AGL: variants seen among roughly 807,000 people sequenced by gnomAD.
AGL encodes amylo-alpha-1,6-glucosidase and 4-alpha-glucanotransferase.
A neutral mutation model predicts 199.3 loss-of-function variants in AGL; 128 were observed. The ratio of observed to expected loss-of-function variants is 0.64; its 90% confidence interval spans 0.56 to 0.74. AGL has a LOEUF of 0.74. Among genes scored for constraint, AGL ranks in the 30% least tolerant of loss-of-function variants. AGL has a pLI of 0.00. For synonymous variants in AGL, 584 were observed against 594.7 expected (o/e 0.98, Z 0.26); for missense variants, 1,809 against 1,820.8 (o/e 0.99, Z 0.12).
chr1:99,888,361 C>T (rs913275789), intron 21 of AGL, among the ~76,000 whole-genome samples: 1 of 152,110 alleles, frequency 6.6e-6, no homozygotes, highest in African/African-American at 2.4e-5. Flanking sequence ...TCACATAAAA[C>T]ACTGAAAACA....
At chr1:99,854,204 TA>T (rs1216808305) in intron 2 of AGL, among the ~76,000 whole-genome samples, 1 of 151,488 alleles carries the variant, frequency 6.6e-6, no homozygotes, top group African/African-American at 2.4e-5. Flanking sequence ...TAAAAAAAAA[TA>T]AAAAATAAAA....
At chr1:99,855,816 T>G (rs1266372477) in intron 2 of AGL, among the ~76,000 whole-genome samples, 1 of 151,848 alleles carries the variant, frequency 6.6e-6, no homozygotes, top group Non-Finnish European at 1.5e-5. Context: ...AAAAAAAGAA[T>G]AATGAACAAA....
intron 9 of AGL, 47 bp downstream of exon 9, chr1:99,875,303 A>G (rs376064487): frequency 4.2e-5 from 67 of 1,611,772 alleles, no homozygotes; most frequent in African/African-American, 1.5e-4. Context: ...TCTTACTACT[A>G]TTTTTTTGTT....
intron 2 of AGL, among the ~76,000 whole-genome samples, chr1:99,859,422 GTAT>G (rs1391204807): frequency 6.7e-6 from 1 of 150,222 alleles, no homozygotes; most frequent in African/African-American, 2.5e-5. Context: ...GTTTGTAGTA[GTAT>G]TATGGTGTAT....
chr1:99,885,998 G>A (rs1387747893), intron 20 of AGL, among the ~76,000 whole-genome samples: 2 of 152,146 alleles, frequency 1.3e-5, no homozygotes, highest in Non-Finnish European at 2.9e-5. Context: ...ATTTGAGGCT[G>A]TTAATACATA....
rs1277033501 is a variant in AGL at position 99,881,709 on chromosome 1, T to A, written c.2308+18T>A. 1 of 1,606,316 alleles carries A rather than the reference T, an allele frequency of 6.2e-7. No homozygotes were observed. Among genetic ancestry groups the A allele is most frequent in the Non-Finnish European group, 8.5e-7 (1 of 1,173,312 alleles). ...CATCCCTGGTAATGCAATCTAAAAATTGTTACTGTATTTGTATTATATTAT... is the reference window on the plus strand; with the variant it reads ...CATCCCTGGTAATGCAATCTAAAAAATGTTACTGTATTTGTATTATATTAT... On this transcript the variant is annotated intron_variant, in intron 17 of 33. Transcript: ENST00000361915.
chr1:99,892,643 C>A, intron 24 of AGL, 36 bp downstream of exon 24: 2 of 1,591,736 alleles, frequency 1.3e-6, no homozygotes, highest in African/African-American at 1.3e-5. Flanking sequence ...ATATGTAAAT[C>A]GATAGTATTC....
intron 5 of AGL, among the ~76,000 whole-genome samples, chr1:99,865,302 G>T (rs1218467658): frequency 6.6e-6 from 1 of 152,112 alleles, no homozygotes; most frequent in Non-Finnish European, 1.5e-5. Flanking sequence ...TATATTAGCA[G>T]GAGCTCTGGT....
Position 99,881,086 on chromosome 1 carries a change from C to T in AGL, c.1910C>T (p.Ala637Val), listed in dbSNP as rs1488937187. The T allele has an allele frequency of 2.5e-6, 4 of 1,613,244 alleles. No homozygotes were observed. The highest frequency in any genetic ancestry group is 1.7e-6 in the Non-Finnish European group (2 of 1,179,464). The change falls in exon 15 of 34, where the codon GCG becomes GTG. Residue 637 changes from alanine (A) to valine (V), a missense_variant. Transcript: ENST00000361915. The part of the protein sequence containing the change: ...DNECPIVHRS[A>V]YDALPSTTIV... ...GTTGTTGTCTTCTAGCATAGATCAG[C>T]GTATGATGCTCTTCCAAGTACTACA... is the stretch of plus-strand genomic sequence containing the variant.
chr1:99,856,436 G>A (rs892554259), intron 2 of AGL, among the ~76,000 whole-genome samples: 7 of 139,396 alleles, frequency 5.0e-5, no homozygotes, highest in Non-Finnish European at 9.2e-5. Context: ...TTCTTTTCTT[G>A]TATTTATTTA....
rs377410347 is a variant in AGL, at chr1:99,891,823, C to A, written c.3083+84C>A. 5.9e-4 allele frequency: 885 copies of A among 1,503,358 alleles called. 6 individuals carry two copies. The African/African-American group carries it at 0.011, about 19-fold the overall frequency. The allele number at this position is 1,503,358 out of a possible 1,614,324, so 93.1% of individuals were successfully genotyped here. ...CACTTCATACATGTTCTTAAAAAAC[C>A]AAACCATAAAGAATTGTCATAGAAC... On this transcript the variant is annotated intron_variant, in intron 23 of 33. Transcript: ENST00000361915.
intron 10 of AGL, among the ~76,000 whole-genome samples, chr1:99,876,127 G>C (rs972364325): frequency 6.6e-6 from 1 of 151,920 alleles, no homozygotes; most frequent in African/African-American, 2.4e-5. Context: ...CCCCTGCCTC[G>C]GCCTCCGAAA....
chr1:99,920,973 C>T (rs1175661981), intron 33 of AGL, among the ~76,000 whole-genome samples: 6 of 152,162 alleles, frequency 3.9e-5, no homozygotes. Flanking sequence ...ACCTTCCTTA[C>T]AGGGTTACTG....
intron 2 of AGL, among the ~76,000 whole-genome samples, chr1:99,852,862 A>T (rs1198664803): frequency 6.6e-6 from 1 of 152,158 alleles, no homozygotes; most frequent in Admixed American, 6.5e-5. Flanking sequence ...CTTCAACCTG[A>T]TATTATGCAA....
At position 99,876,714 on chromosome 1, in the gene AGL, C is replaced by A. The variant is rs1651567921; in HGVS notation, c.1423+117C>A. 2.4e-6 allele frequency: 3 copies of A among 1,229,708 alleles called. No homozygotes were observed. In the Admixed American group the frequency reaches 5.2e-5, roughly 21 times the overall value. 76.2% of individuals were successfully genotyped at this position (1,229,708 alleles called of 1,614,324 possible). A position where few individuals can be genotyped will look rare whatever the true frequency, so the allele number is the denominator to read the frequency against. ...AGTCTATTGGTTTTTAAATATTTCA[C>A]CATAAAGGTACCAGAGATACATACA... On this transcript the variant is annotated intron_variant, in intron 11 of 33. Transcript: ENST00000361915.
chr1:99,874,178 T>C (rs1651274955), intron 7 of AGL, among the ~76,000 whole-genome samples: 1 of 151,742 alleles, frequency 6.6e-6, no homozygotes, highest in Non-Finnish European at 1.5e-5. Flanking sequence ...GAAAGCAATC[T>C]TGAAAAAGAA....
rs375254875 is a variant in AGL at position 99,902,791 on chromosome 1, G to A, written c.3697G>A (p.Glu1233Lys). ...GPQIDRNMKDEGFNITAGVDE... is the reference protein window; with the variant it reads ...GPQIDRNMKDKGFNITAGVDE... The stretch of plus-strand genomic sequence containing the variant: ...CCAGATAGATCGAAACATGAAGGAC[G>A]AAGGTACAGAACTTTAACTAAAATA... The change falls in exon 27 of 34, where the codon GAA becomes AAA. Residue 1233 changes from glutamate to lysine, a missense_variant. Glu to Lys is a moderately conservative substitution (Grantham distance 56). Transcript: ENST00000361915. 43 of 1,608,136 alleles carry A rather than the reference G, an allele frequency of 2.7e-5. No homozygotes were observed. Among genetic ancestry groups the A allele is most frequent in the African/African-American group, 1.2e-4 (9 of 74,770 alleles).
In AGL at chr1:99,891,663, A is replaced by C; in HGVS notation, c.3007A>C (p.Ile1003Leu). 1.9e-6 allele frequency: 3 copies of C among 1,613,626 alleles called. No individual in the cohort carries two copies. Among genetic ancestry groups the C allele is most frequent in the Non-Finnish European group, 2.5e-6 (3 of 1,179,628 alleles). ...FYLKQIPRYL[I>L]PCYFDAILIG... ...CCTGAAGCAGATCCCACGTTACCTTATCCCATGTTACTTTGATGCTATATT... is the reference window on the plus strand; with the variant it reads ...CCTGAAGCAGATCCCACGTTACCTTCTCCCATGTTACTTTGATGCTATATT... Residue 1003 changes from isoleucine to leucine, a missense_variant, in exon 23 of 34, where the codon ATC becomes CTC. Physicochemically the swap from Ile to Leu is conservative, Grantham distance 5. Coordinates refer to ENST00000361915, the MANE Select transcript of AGL (RefSeq NM_000642.3).
At chr1:99,859,370 G>A (rs1028816025) in intron 2 of AGL, among the ~76,000 whole-genome samples, 1 of 148,716 alleles carries the variant, frequency 6.7e-6, no homozygotes, top group Admixed American at 6.7e-5. Flanking sequence ...TTTTTAATTA[G>A]GATTATACTA....
Sources: gnomAD v4.1 joint callset for allele counts (sites outside exome capture counted in the v4.1 genomes callset) on GRCh38, gnomAD v4.1.1 for gene constraint, MANE v1.5 for transcripts, NCBI Gene and HGNC (gene_info 2026-07-23, HGNC 2026-07-21) for gene names.